Variants in CECR2 observed in about 807,000 individuals in gnomAD.
The protein encoded by CECR2 is CECR2 histone acetyl-lysine reader.
Under a neutral mutation model 154.5 loss-of-function variants are expected in CECR2, and 30 were observed. The ratio of observed to expected loss-of-function variants is 0.19; its 90% CI spans 0.15 to 0.26. CECR2 has a LOEUF of 0.26. Among genes scored for constraint, CECR2 ranks in the 10% least tolerant of loss-of-function variants. CECR2 has a pLI of 1.00. For synonymous variants in CECR2, 725 were observed against 683.7 expected (o/e 1.06, Z -0.94); for missense variants, 1,743 against 1,829.3 (o/e 0.95, Z 0.86).
At chr22:17,385,190 T>C (rs1197010520) in intron 1 of CECR2, among the ~76,000 whole-genome samples, 1 of 152,240 alleles carries the variant, frequency 6.6e-6, no homozygotes, top group African/African-American at 2.4e-5. Flanking sequence ...TGTTTTGCCT[T>C]CTCATTACTG....
intron 1 of CECR2, among the ~76,000 whole-genome samples, chr22:17,405,751 C>T (rs1011904987): frequency 6.6e-6 from 1 of 151,746 alleles, no homozygotes; most frequent in Non-Finnish European, 1.5e-5. Context: ...CCCCTTTTAG[C>T]AACCTGTTTG....
chr22:17,431,838 A>G (rs1307798290), intron 1 of CECR2, among the ~76,000 whole-genome samples: 1 of 152,144 alleles, frequency 6.6e-6, no homozygotes, highest in Non-Finnish European at 1.5e-5. Context: ...CATTTGAAGT[A>G]TACAGTTCAG....
At chr22:17,531,279 C>T (rs2056351116) in intron 9 of CECR2, among the ~76,000 whole-genome samples, 1 of 152,152 alleles carries the variant, frequency 6.6e-6, no homozygotes, top group South Asian at 2.1e-4. Flanking sequence ...GGGCTGCAGC[C>T]CCACTGCTAG....
intron 12 of CECR2, 115 bp downstream of exon 12, chr22:17,538,846 C>A: frequency 7.6e-7 from 1 of 1,317,526 alleles, no homozygotes. Flanking sequence ...TTTCAACTGT[C>A]AAAAGTTCAT....
At chr22:17,522,064 A>G (rs1256833299) in intron 8 of CECR2, among the ~76,000 whole-genome samples, 2 of 151,948 alleles carry the variant, frequency 1.3e-5, no homozygotes, top group African/African-American at 4.8e-5. Context: ...ATGGTTGTAG[A>G]TGTGTGGTGT....
At chr22:17,538,617 A>C in intron 11 of CECR2, 23 bp from the exon 12 acceptor site, 2 of 1,613,680 alleles carry the variant, frequency 1.2e-6, no homozygotes, top group Non-Finnish European at 1.7e-6. Context: ...TGAGTGTGTT[A>C]AGATCTCTTC....
chr22:17,535,272 C>G (rs1023084279), intron 9 of CECR2, among the ~76,000 whole-genome samples: 2 of 151,768 alleles, frequency 1.3e-5, no homozygotes, highest in African/African-American at 2.4e-5. Context: ...GAGCTGAGAT[C>G]GCACCACTAC....
At chr22:17,503,247 C>A in intron 6 of CECR2, 116 bp downstream of exon 6, 2 of 877,536 alleles carry the variant, frequency 2.3e-6, no homozygotes, top group Admixed American at 2.3e-5. Context: ...TAGCCTTTTA[C>A]CTACCCCCTG....
intron 1 of CECR2, among the ~76,000 whole-genome samples, chr22:17,385,911 A>G (rs1346874368): frequency 6.6e-6 from 1 of 152,164 alleles, no homozygotes; most frequent in Non-Finnish European, 1.5e-5. Flanking sequence ...GTGGGACTGG[A>G]TGACCCCCAG....
intron 1 of CECR2, among the ~76,000 whole-genome samples, chr22:17,421,836 A>G (rs2054257423): frequency 6.7e-6 from 1 of 149,386 alleles, no homozygotes; most frequent in Non-Finnish European, 1.5e-5. Context: ...GCTCTGATAA[A>G]ACCGCATCTC....
rs572763900 is a variant in CECR2, at chr22:17,400,662, G to C, written c.126+30753G>C. Among the ~76,000 whole-genome samples the C allele has an allele frequency of 8.5e-5, 13 of 152,340 alleles. 2 individuals are homozygous for C. The South Asian group carries it at 1.0e-3, about 12-fold the overall frequency. On this transcript the variant is annotated intron_variant, in intron 1 of 18. Coordinates refer to ENST00000262608, the MANE Select transcript of CECR2 (RefSeq NM_001290047.2). ...AGAAGGGCAGAGAAGAGGGAGGTCA[G>C]AGGGTTTGTTCTGTAAATACCTTGC...
At chr22:17,509,362 A>G (rs8141657) in intron 7 of CECR2, among the ~76,000 whole-genome samples, 108,213 of 151,658 alleles carry the variant, frequency 0.71, 38,754 homozygotes, top group Middle Eastern at 0.82. Context: ...TTAAATTATG[A>G]CACTCCCCTG....
At chr22:17,464,368 C>G (rs2054991719) in intron 1 of CECR2, among the ~76,000 whole-genome samples, 1 of 152,240 alleles carries the variant, frequency 6.6e-6, no homozygotes, top group Admixed American at 6.5e-5. Flanking sequence ...CTGCTTATCT[C>G]TGACGAGTAG....
chr22:17,500,084 A>G (rs1407033086), intron 4 of CECR2, among the ~76,000 whole-genome samples: 1 of 151,672 alleles, frequency 6.6e-6, no homozygotes, highest in Admixed American at 6.6e-5. Context: ...GGTGGCGGGC[A>G]CCTGTAGTCC....
At chr22:17,474,922 T>C (rs889067885) in intron 1 of CECR2, among the ~76,000 whole-genome samples, 3 of 152,192 alleles carry the variant, frequency 2.0e-5, no homozygotes, top group South Asian at 2.1e-4. Context: ...CATCTCAGCC[T>C]CCAGTGTTGC....
rs201289040 is a variant in CECR2 at position 17,549,446 on chromosome 22, G to A, written c.4159G>A (p.Gly1387Ser). The change falls in exon 17 of 19, where the codon GGT becomes AGT. Residue 1387 changes from glycine (G) to serine (S), a missense_variant. Coordinates refer to ENST00000262608, the MANE Select transcript of CECR2 (RefSeq NM_001290047.2). ...ATQPNGLSQEGPIYRCQEEGL... is the reference protein window; with the variant it reads ...ATQPNGLSQESPIYRCQEEGL... ...CCAGCCCAACGGCCTCTCTCAGGAG[G>A]GTCCCATCTATCGCTGCCAGGAAGA... 1.4e-4 allele frequency: 219 copies of A among 1,612,752 alleles called. No individual in the cohort carries two copies. In the African/African-American group the frequency reaches 2.5e-3, roughly 19 times the overall value.
At chr22:17,430,259 C>T (rs757234215) in intron 1 of CECR2, among the ~76,000 whole-genome samples, 6 of 152,166 alleles carry the variant, frequency 3.9e-5, no homozygotes, top group African/African-American at 7.2e-5. Flanking sequence ...ATGCACATAA[C>T]CTATACCCGC....
intron 1 of CECR2, among the ~76,000 whole-genome samples, chr22:17,373,360 C>T (rs1380353134): frequency 6.6e-6 from 1 of 152,030 alleles, no homozygotes; most frequent in Non-Finnish European, 1.5e-5. Context: ...ATAGTAATGC[C>T]TTATCTCAGT....
chr22:17,442,745 C>T (rs1489564627), intron 1 of CECR2, among the ~76,000 whole-genome samples: 2 of 152,092 alleles, frequency 1.3e-5, no homozygotes, highest in Non-Finnish European at 2.9e-5. Context: ...GACGGGGTTT[C>T]ACCATCTTGG....
Sources: allele counts gnomAD v4.1 joint callset (sites outside exome capture counted in the v4.1 genomes callset), GRCh38; gene constraint gnomAD v4.1.1; transcripts MANE v1.5; gene names NCBI Gene and HGNC (gene_info 2026-07-23, HGNC 2026-07-21).